CSMD1: variants seen among roughly 807,000 people sequenced by gnomAD.
CSMD1 encodes the protein CUB and sushi domain-containing protein 1.
Under a neutral mutation model 417.5 loss-of-function variants are expected in CSMD1, and 213 were observed. That is an observed-to-expected ratio of 0.51 (90% CI 0.46 to 0.57). The LOEUF (loss-of-function observed/expected upper bound fraction) is 0.57, where lower values mean the gene tolerates loss of function less well. Ranked by LOEUF, CSMD1 falls within the 20% of genes least tolerant of loss-of-function variation. The probability of loss-of-function intolerance (pLI) is 0.00; values close to 1 mark genes in which losing one functional copy is unlikely to be tolerated. For missense variants in CSMD1, 6,923 were observed against 4,529.7 expected (o/e 1.53, Z -15.17); for synonymous variants, 2,862 against 1,736.8 (o/e 1.65, Z -16.11).
intron 7 of CSMD1, among the ~76,000 whole-genome samples, chr8:3,630,900 T>G (rs1796752793): frequency 6.6e-6 from 1 of 152,148 alleles, no homozygotes; most frequent in Admixed American, 6.5e-5. Context: ...TGTGTCTGGA[T>G]TAGAGAGCCG....
chr8:3,795,014 ATC>A (rs1799965419), intron 5 of CSMD1, among the ~76,000 whole-genome samples: 1 of 151,510 alleles, frequency 6.6e-6, no homozygotes, highest in Non-Finnish European at 1.5e-5. Context: ...ATAAATACAT[ATC>A]TATCATATAT....
chr8:4,267,962 C>A (rs1003637090), intron 3 of CSMD1, among the ~76,000 whole-genome samples: 1 of 151,966 alleles, frequency 6.6e-6, no homozygotes, highest in African/African-American at 2.4e-5. Flanking sequence ...ATTTTTGGAT[C>A]TATTTTCTAG....
chr8:3,985,583 T>C (rs1414925385), intron 5 of CSMD1, among the ~76,000 whole-genome samples: 1 of 152,152 alleles, frequency 6.6e-6, no homozygotes, highest in Non-Finnish European at 1.5e-5. Flanking sequence ...AGTTTCACTT[T>C]ATTTGAAGGG....
At chr8:3,955,144 A>G (rs1441778514) in intron 5 of CSMD1, among the ~76,000 whole-genome samples, 1 of 152,178 alleles carries the variant, frequency 6.6e-6, no homozygotes, top group Non-Finnish European at 1.5e-5. Flanking sequence ...CGGTAACGGG[A>G]AGACAGAAGC....
At chr8:3,142,093 G>T (rs189476575) in intron 41 of CSMD1, among the ~76,000 whole-genome samples, 231 of 152,260 alleles carry the variant, frequency 1.5e-3, no homozygotes, top group Non-Finnish European at 1.8e-3. Context: ...CACCGCGCCC[G>T]GCCGCCAAAT....
intron 2 of CSMD1, among the ~76,000 whole-genome samples, chr8:4,609,225 C>T (rs1444580752): frequency 2.9e-4 from 44 of 152,050 alleles, no homozygotes; most frequent in Non-Finnish European, 1.5e-5. Flanking sequence ...GATGGTGAAA[C>T]CCTGTATCTA....
At position 3,096,702 on chromosome 8, in the gene CSMD1, C is replaced by A. The variant is rs988897717; in HGVS notation, c.7138+147G>T. 1.6e-4 allele frequency: 95 copies of A among 612,364 alleles called. 2 individuals carry two copies. Among genetic ancestry groups the A allele is most frequent in the South Asian group, 6.5e-4 (30 of 46,330 alleles). The allele number at this position is 612,364 out of a possible 1,614,324, so 37.9% of individuals were successfully genotyped here. A position where few individuals can be genotyped will look rare whatever the true frequency, so the allele number is the denominator to read the frequency against. ...TGCTTGATCTCTTGAGAATGCATAA[C>A]CCCAAACTAGTTTATTTTTTGTTTG... On this transcript the variant is annotated intron_variant, in intron 47 of 69. Transcript: ENST00000635120.
rs145459603 is a variant in CSMD1, at chr8:3,192,271, T to C, written c.5195-2156A>G. On this transcript the variant is annotated intron_variant, in intron 33 of 69. Transcript: ENST00000635120. The stretch of plus-strand genomic sequence containing the variant: ...ACAGAATAACGATAATATTCTATTA[T>C]AGGTCAAGGATCTCTTATCTGAAAC... Among the ~76,000 whole-genome samples the C allele has an allele frequency of 7.0e-4, 107 of 152,236 alleles. 1 individual carries two copies. In the East Asian group the frequency reaches 0.017, roughly 24 times the overall value.
chr8:4,070,621 T>G (rs1799503914), intron 3 of CSMD1, among the ~76,000 whole-genome samples: 1 of 152,106 alleles, frequency 6.6e-6, no homozygotes, highest in African/African-American at 2.4e-5. Flanking sequence ...CCTCCCAAAG[T>G]GCTGGGATTA....
At chr8:3,430,744 T>C (rs1814165113) in intron 12 of CSMD1, among the ~76,000 whole-genome samples, 1 of 151,986 alleles carries the variant, frequency 6.6e-6, no homozygotes, top group Non-Finnish European at 1.5e-5. Context: ...GAGGTGGAGG[T>C]TGCAGTGAGC....
intron 26 of CSMD1, among the ~76,000 whole-genome samples, chr8:3,252,732 A>G (rs554408281): frequency 6.6e-6 from 1 of 152,244 alleles, no homozygotes; most frequent in South Asian, 2.1e-4. Context: ...TATTGCCTCA[A>G]TTTCAGAGCC....
intron 2 of CSMD1, among the ~76,000 whole-genome samples, chr8:4,520,366 G>C (rs952384417): frequency 2.6e-5 from 4 of 152,152 alleles, no homozygotes; most frequent in Non-Finnish European, 4.4e-5. Context: ...TCACAGCCTA[G>C]AGAAGACGAC....
At chr8:3,737,960 A>G (rs1487291132) in intron 6 of CSMD1, among the ~76,000 whole-genome samples, 2 of 152,202 alleles carry the variant, frequency 1.3e-5, no homozygotes, top group Admixed American at 6.5e-5. Context: ...AAAAGAAACA[A>G]CTAAATTACT....
chr8:3,312,959 T>C (rs1286305780), intron 23 of CSMD1, among the ~76,000 whole-genome samples: 1 of 152,226 alleles, frequency 6.6e-6, no homozygotes, highest in Admixed American at 6.5e-5. Context: ...GTTTAAAGAC[T>C]AGAATATAAT....
At position 3,316,048 on chromosome 8, in the gene CSMD1, T is replaced by A. The variant is rs1172648972; in HGVS notation, c.3632-7545A>T. On this transcript the variant is annotated intron_variant, in intron 23 of 69. Coordinates refer to ENST00000635120, the MANE Select transcript of CSMD1 (RefSeq NM_033225.6). The stretch of plus-strand genomic sequence containing the variant: ...TTTTTTTACCACTATGCACGTATGT[T>A]CTCTGTTGAGGATATTTAAAACTCA... Among the ~76,000 whole-genome samples, 3 of 152,170 alleles carry A rather than the reference T, an allele frequency of 2.0e-5. No homozygotes were observed. In the East Asian group the frequency reaches 5.8e-4, roughly 29 times the overall value.
intron 10 of CSMD1, among the ~76,000 whole-genome samples, chr8:3,549,007 C>T (rs967447303): frequency 2.1e-4 from 32 of 152,086 alleles, no homozygotes; most frequent in African/African-American, 7.5e-4. Flanking sequence ...GTTTCCTCAC[C>T]CTCTAGCCTT....
chr8:4,403,352 T>TA (rs1804781372), intron 3 of CSMD1, among the ~76,000 whole-genome samples: 1 of 152,182 alleles, frequency 6.6e-6, no homozygotes, highest in African/African-American at 2.4e-5. Flanking sequence ...AAACTCCTTA[T>TA]AAGGAAGTCT....
intron 2 of CSMD1, among the ~76,000 whole-genome samples, chr8:4,524,748 A>C (rs570402575): frequency 6.6e-6 from 1 of 152,152 alleles, no homozygotes; most frequent in Non-Finnish European, 1.5e-5. Context: ...CAAACAAATT[A>C]TCATACATGA....
chr8:3,974,407 T>G (rs1813285449), intron 5 of CSMD1, among the ~76,000 whole-genome samples: 1 of 152,020 alleles, frequency 6.6e-6, no homozygotes, highest in Non-Finnish European at 1.5e-5. Context: ...TGTATTTTTA[T>G]TTTCACTTCG....
Sources: allele counts gnomAD v4.1 joint callset (sites outside exome capture counted in the v4.1 genomes callset), GRCh38; gene constraint gnomAD v4.1.1; transcripts MANE v1.5; gene names NCBI Gene and HGNC (gene_info 2026-07-23, HGNC 2026-07-21).